FAM171A1: variants seen among roughly 807,000 people sequenced by gnomAD.
FAM171A1 encodes the protein family with sequence similarity 171 member A1.
Under a neutral mutation model 74.9 loss-of-function variants are expected in FAM171A1, and 23 were observed. The ratio of observed to expected loss-of-function variants is 0.31; its 90% CI spans 0.22 to 0.44. The LOEUF (loss-of-function observed/expected upper bound fraction) is 0.44, where lower values mean the gene tolerates loss of function less well. FAM171A1 is among the 20% of genes least tolerant of loss of function. FAM171A1 has a pLI of 1.00. For synonymous variants in FAM171A1, 527 were observed against 505.7 expected (o/e 1.04, Z -0.57); for missense variants, 1,162 against 1,159.2 (o/e 1.00, Z -0.03).
intron 1 of FAM171A1, among the ~76,000 whole-genome samples, chr10:15,361,844 G>A (rs1835998811): frequency 6.6e-6 from 1 of 152,200 alleles, no homozygotes; most frequent in Non-Finnish European, 1.5e-5. Context: ...CTGAGCTCAA[G>A]ATAGTACATC....
Position 15,335,291 on chromosome 10 carries a change from T to G in FAM171A1, c.97+35665A>C, listed in dbSNP as rs145899342. Among the ~76,000 whole-genome samples, 586 of 152,044 alleles carry G rather than the reference T, an allele frequency of 3.9e-3. 1 individual carries two copies. Among genetic ancestry groups the G allele is most frequent in the African/African-American group, 0.013 (558 of 41,466 alleles). On this transcript the variant is annotated intron_variant, in intron 1 of 7. Transcript: ENST00000378116. ...AACAAACAAACAAACCCAAAAAAATTCACAAAAACAGATTTAAACACTGTG... is the reference window on the plus strand; with the variant it reads ...AACAAACAAACAAACCCAAAAAAATGCACAAAAACAGATTTAAACACTGTG...
intron 1 of FAM171A1, among the ~76,000 whole-genome samples, chr10:15,363,129 G>A (rs1456071655): frequency 2.0e-5 from 3 of 152,194 alleles, no homozygotes; most frequent in Admixed American, 6.5e-5. Flanking sequence ...TAAAGGAAAC[G>A]CTTTAGAGGA....
At chr10:15,258,362 TG>T (rs2131773810) in intron 3 of FAM171A1, among the ~76,000 whole-genome samples, 2 of 152,256 alleles carry the variant, frequency 1.3e-5, no homozygotes, top group South Asian at 4.1e-4. Flanking sequence ...TCTTCTCTTC[TG>T]CCCCTAACCA....
chr10:15,363,617 G>C (rs1030918750), intron 1 of FAM171A1, among the ~76,000 whole-genome samples: 3 of 152,156 alleles, frequency 2.0e-5, no homozygotes, highest in Admixed American at 6.5e-5. Flanking sequence ...TCCTTGGCAG[G>C]AGACTGATGG....
intron 1 of FAM171A1, among the ~76,000 whole-genome samples, chr10:15,351,054 T>A (rs975403973): frequency 2.0e-5 from 3 of 152,150 alleles, no homozygotes; most frequent in African/African-American, 7.2e-5. Context: ...TTCCCTAACA[T>A]GCTTTTCTCA....
At chr10:15,337,596 C>A in intron 1 of FAM171A1, among the ~76,000 whole-genome samples, 1 of 152,182 alleles carries the variant, frequency 6.6e-6, no homozygotes, top group East Asian at 1.9e-4. Context: ...GTAATCCCAG[C>A]GCTTTAATAA....
intron 1 of FAM171A1, among the ~76,000 whole-genome samples, chr10:15,343,421 T>A (rs57774458): frequency 0.02 from 3,099 of 152,236 alleles, 106 homozygotes; most frequent in African/African-American, 0.071. Context: ...GGGCGGGAAG[T>A]GTCTGGACCC....
chr10:15,225,504 A>T (rs1229339968), intron 5 of FAM171A1, among the ~76,000 whole-genome samples: 1 of 152,188 alleles, frequency 6.6e-6, no homozygotes, highest in African/African-American at 2.4e-5. Context: ...AGCTCCAGGG[A>T]GTATGGGAAT....
At chr10:15,269,566 T>C (rs2131790532) in intron 3 of FAM171A1, among the ~76,000 whole-genome samples, 1 of 152,274 alleles carries the variant, frequency 6.6e-6, no homozygotes, top group East Asian at 1.9e-4. Context: ...GGCAAGATCA[T>C]GTTTACAGAC....
intron 2 of FAM171A1, among the ~76,000 whole-genome samples, chr10:15,279,940 A>T (rs1380736692): frequency 6.6e-6 from 1 of 152,128 alleles, no homozygotes; most frequent in African/African-American, 2.4e-5. Flanking sequence ...ACCACAAATT[A>T]GCTGAGTGTG....
intron 3 of FAM171A1, 72 bp from the exon 4 acceptor site, chr10:15,254,951 G>C: frequency 6.7e-7 from 1 of 1,485,944 alleles, no homozygotes; most frequent in African/African-American, 1.4e-5. Flanking sequence ...AAACCAGGAA[G>C]TGCCTCTCTA....
At chr10:15,302,402 T>G (rs1588542315) in intron 1 of FAM171A1, among the ~76,000 whole-genome samples, 1 of 148,978 alleles carries the variant, frequency 6.7e-6, no homozygotes, top group African/African-American at 2.5e-5. Flanking sequence ...GAGGCGGAGG[T>G]CGCAGTGCGC....
intron 1 of FAM171A1, among the ~76,000 whole-genome samples, chr10:15,369,659 A>G (rs1836110256): frequency 6.6e-6 from 1 of 152,244 alleles, no homozygotes; most frequent in Non-Finnish European, 1.5e-5. Context: ...TGTAGGCAAC[A>G]AACTCAACCC....
At chr10:15,251,076 T>C (rs980429404) in intron 4 of FAM171A1, among the ~76,000 whole-genome samples, 1 of 152,168 alleles carries the variant, frequency 6.6e-6, no homozygotes, top group Non-Finnish European at 1.5e-5. Flanking sequence ...ACTTCATTCC[T>C]CTGGGGTCTG....
At chr10:15,301,362 A>ATATATATATATATT (rs575709720) in intron 1 of FAM171A1, among the ~76,000 whole-genome samples, 3 of 141,564 alleles carry the variant, frequency 2.1e-5, no homozygotes, top group African/African-American at 7.9e-5. Flanking sequence ...ATATATATAT[A>ATATATATATATATT]TTTTTTTTTT....
intron 1 of FAM171A1, among the ~76,000 whole-genome samples, chr10:15,300,065 T>C (rs1421015793): frequency 1.3e-5 from 2 of 152,124 alleles, no homozygotes; most frequent in African/African-American, 4.8e-5. Context: ...CTCTGACACT[T>C]GAAGTATTAC....
At chr10:15,361,598 G>A (rs958192602) in intron 1 of FAM171A1, among the ~76,000 whole-genome samples, 3 of 152,088 alleles carry the variant, frequency 2.0e-5, no homozygotes, top group Non-Finnish European at 4.4e-5. Flanking sequence ...CAAGAGAATC[G>A]CTTGAACTCA....
chr10:15,305,948 C>T (rs533769692), intron 1 of FAM171A1, among the ~76,000 whole-genome samples: 17 of 152,100 alleles, frequency 1.1e-4, no homozygotes, highest in African/African-American at 3.1e-4. Flanking sequence ...TCAACACAGG[C>T]GAGGAGGGTG....
intron 1 of FAM171A1, among the ~76,000 whole-genome samples, chr10:15,298,429 C>T (rs937662497): frequency 3.9e-5 from 6 of 152,146 alleles, no homozygotes; most frequent in African/African-American, 9.7e-5. Context: ...CCACCACACC[C>T]GGCCATGAAT....
Sources: allele counts gnomAD v4.1 joint callset (sites outside exome capture counted in the v4.1 genomes callset), GRCh38; gene constraint gnomAD v4.1.1; transcripts MANE v1.5; gene names NCBI Gene and HGNC (gene_info 2026-07-23, HGNC 2026-07-21).